MSI2: variants seen among roughly 807,000 people sequenced by gnomAD.
MSI2 encodes musashi RNA binding protein 2, also known as RNA-binding protein Musashi homolog 2.
A neutral mutation model predicts 45.6 loss-of-function variants in MSI2; 17 were observed. That is an observed-to-expected ratio of 0.37 (90% CI 0.26 to 0.56). The LOEUF is 0.56. Ranked by LOEUF, MSI2 falls within the 20% of genes least tolerant of loss-of-function variation. MSI2 has a pLI of 0.77. For missense variants in MSI2, 293 were observed against 444.2 expected (o/e 0.66, Z 3.06); for synonymous variants, 156 against 158.2 (o/e 0.99, Z 0.11).
intron 5 of MSI2, among the ~76,000 whole-genome samples, chr17:57,316,503 T>A (rs898792049): frequency 6.6e-6 from 1 of 152,112 alleles, no homozygotes; most frequent in Non-Finnish European, 1.5e-5. Flanking sequence ...TTTTTAATAT[T>A]TTTGTGTAGA....
At chr17:57,295,190 A>G (rs2877819) in intron 5 of MSI2, among the ~76,000 whole-genome samples, 127,320 of 152,066 alleles carry the variant, frequency 0.84, 53,324 homozygotes, top group Middle Eastern at 0.93. Context: ...CTTTCTGTGC[A>G]GCGCTGCCCA....
At chr17:57,322,932 A>G (rs886715200) in intron 5 of MSI2, among the ~76,000 whole-genome samples, 8 of 151,248 alleles carry the variant, frequency 5.3e-5, no homozygotes. Context: ...CTTGGGAGTT[A>G]TGTGTTGTGT....
chr17:57,282,835 CTT>C (rs564440544), intron 5 of MSI2, among the ~76,000 whole-genome samples: 1 of 92,744 alleles, frequency 1.1e-5, no homozygotes, highest in Non-Finnish European at 2.0e-5. Context: ...GGGGGGCAGA[CTT>C]TTTTTTTTTT....
At chr17:57,679,097 G>A (rs904843619) in intron 13 of MSI2, among the ~76,000 whole-genome samples, 1 of 152,168 alleles carries the variant, frequency 6.6e-6, no homozygotes, top group African/African-American at 2.4e-5. Flanking sequence ...AAAAGTTATC[G>A]ATGGGTATCT....
At chr17:57,314,866 G>A (rs1480303010) in intron 5 of MSI2, among the ~76,000 whole-genome samples, 3 of 152,240 alleles carry the variant, frequency 2.0e-5, no homozygotes, top group South Asian at 2.1e-4. Context: ...TCCTGCGCCC[G>A]GCCGCGCCTG....
In MSI2 at chr17:57,422,712, T is replaced by C. The variant is rs567815378; in HGVS notation, c.405+21241T>C. On this transcript the variant is annotated intron_variant, in intron 6 of 13. Coordinates refer to ENST00000284073, the MANE Select transcript of MSI2 (RefSeq NM_138962.4). ...GATGTCATGGAAAAATTGGCCCATC[T>C]GAGATGTGGCGCATTATATAAATCA... Among the ~76,000 whole-genome samples the C allele has an allele frequency of 2.1e-4, 32 of 152,374 alleles. No individual in the cohort carries two copies. The Middle Eastern group carries it at 0.014, about 65-fold the overall frequency.
intron 5 of MSI2, among the ~76,000 whole-genome samples, chr17:57,305,962 G>T (rs1339892870): frequency 6.6e-6 from 1 of 152,120 alleles, no homozygotes; most frequent in South Asian, 2.1e-4. Flanking sequence ...CTGTATTAAG[G>T]TCTGGATATA....
In MSI2 at chr17:57,377,142, G is replaced by A. The variant is rs112902431; in HGVS notation, c.313-24237G>A. Among the ~76,000 whole-genome samples the A allele has an allele frequency of 1.1e-4, 17 of 152,166 alleles. No homozygotes were observed. The East Asian group carries it at 1.4e-3, about 12-fold the overall frequency. On this transcript the variant is annotated intron_variant, in intron 5 of 13. Transcript: ENST00000284073. ...TCACTGTGTTTACCAGGATGGTCTC[G>A]ATCTCCTGACCTTGTGATCTGCCCA...
Position 57,672,004 on chromosome 17 carries a change from G to A in MSI2, c.791-2968G>A, listed in dbSNP as rs541737301. 3.8e-4 allele frequency among the ~76,000 whole-genome samples: 58 copies of A among 152,330 alleles called. No individual in the cohort carries two copies. In the East Asian group the frequency reaches 9.5e-3, roughly 25 times the overall value. On this transcript the variant is annotated intron_variant, in intron 11 of 13. Coordinates refer to ENST00000284073, the MANE Select transcript of MSI2 (RefSeq NM_138962.4). ...CCATGCGCCCAGCCCTCAGGGGTGC[G>A]GGTTCCACTGCCCAGAAGCCTAGCT... is the stretch of plus-strand genomic sequence containing the variant.
chr17:57,279,495 AT>A (rs1377516502), intron 5 of MSI2: 1 of 152,252 alleles, frequency 6.6e-6, no homozygotes, highest in Non-Finnish European at 1.5e-5. Flanking sequence ...TGATTTGCTC[AT>A]TATGCAACAA....
chr17:57,514,709 T>A (rs1598353279), intron 6 of MSI2, among the ~76,000 whole-genome samples: 1 of 151,998 alleles, frequency 6.6e-6, no homozygotes, highest in Non-Finnish European at 1.5e-5. Context: ...CCGTTCTTTT[T>A]TCCCCCTTAG....
At chr17:57,487,387 C>G (rs2143785288) in intron 6 of MSI2, among the ~76,000 whole-genome samples, 1 of 152,286 alleles carries the variant, frequency 6.6e-6, no homozygotes, top group Non-Finnish European at 1.5e-5. Flanking sequence ...CCCCACATCT[C>G]CAGTTATCAG....
chr17:57,303,365 G>A (rs1272497486), intron 5 of MSI2, among the ~76,000 whole-genome samples: 1 of 152,216 alleles, frequency 6.6e-6, no homozygotes, highest in Non-Finnish European at 1.5e-5. Flanking sequence ...GTAACCCCAT[G>A]AGAAGAATTG....
intron 6 of MSI2, among the ~76,000 whole-genome samples, chr17:57,442,712 T>TG (rs950424823): frequency 1.3e-5 from 2 of 151,924 alleles, no homozygotes; most frequent in Admixed American, 6.5e-5. Flanking sequence ...AACAGAGGGG[T>TG]GGGAGCGAGG....
the MSI2 span, among the ~76,000 whole-genome samples, chr17:57,691,328 A>T: frequency 6.6e-6 from 1 of 151,738 alleles, no homozygotes; most frequent in African/African-American, 2.4e-5. Flanking sequence ...GGTCTTTTTC[A>T]ATGTTGTTTT....
rs1913488308 is a variant in MSI2 at position 57,679,741 on chromosome 17, G to A, written c.*224G>A. 2.5e-6 allele frequency: 1 copy of A among 395,052 alleles called. No homozygotes were observed. The highest frequency in any genetic ancestry group is 2.1e-5 in the African/African-American group (1 of 48,208). The allele number at this position is 395,052 out of a possible 1,614,324, so 24.5% of individuals were successfully genotyped here. On this transcript the variant is annotated 3_prime_UTR_variant, in exon 14 of 14. Coordinates refer to ENST00000284073, the MANE Select transcript of MSI2 (RefSeq NM_138962.4). ...TAATATAAGACAACAGCTTTTAAAT[G>A]TGTATATAACCCATGATTTCGGTTT...
At chr17:57,505,096 G>C (rs976565943) in intron 6 of MSI2, among the ~76,000 whole-genome samples, 2 of 152,150 alleles carry the variant, frequency 1.3e-5, no homozygotes, top group Non-Finnish European at 2.9e-5. Context: ...AATGGAGTCT[G>C]GGGGAAGGTG....
At chr17:57,389,236 C>T (rs2083742635) in intron 5 of MSI2, among the ~76,000 whole-genome samples, 1 of 152,156 alleles carries the variant, frequency 6.6e-6, no homozygotes, top group Non-Finnish European at 1.5e-5. Flanking sequence ...CTCGGCCTCC[C>T]AAAGTACTGG....
At chr17:57,262,232 G>A (rs1907371860) in intron 5 of MSI2, 40 bp downstream of exon 5, 1 of 1,603,680 alleles carries the variant, frequency 6.2e-7, no homozygotes, top group Non-Finnish European at 8.5e-7. Flanking sequence ...AGCACTCAGA[G>A]ATGATTGCCA....
Sources: allele counts gnomAD v4.1 joint callset (sites outside exome capture counted in the v4.1 genomes callset), GRCh38; gene constraint gnomAD v4.1.1; transcripts MANE v1.5; gene names NCBI Gene and HGNC (gene_info 2026-07-23, HGNC 2026-07-21).